CSMD2: variants seen among roughly 807,000 people sequenced by gnomAD.
CSMD2 encodes the protein CUB and sushi domain-containing protein 2.
CSMD2 carries 130 observed loss-of-function variants against 398.5 expected under a neutral mutation model. The ratio of observed to expected loss-of-function variants is 0.33; its 90% CI spans 0.28 to 0.38. The LOEUF (loss-of-function observed/expected upper bound fraction) is 0.38. Among genes scored for constraint, CSMD2 ranks in the 10% least tolerant of loss-of-function variants. The pLI, the probability that CSMD2 is intolerant of heterozygous loss-of-function variation, is 1.00. For synonymous variants in CSMD2, 1,828 were observed against 1,908.5 expected, an observed-to-expected ratio of 0.96 and a Z score of 1.10; for missense variants, 3,829 against 4,764.9, an observed-to-expected ratio of 0.80 and a Z score of 5.78.
Position 33,726,663 on chromosome 1 carries a change from A to G in CSMD2, c.2391T>C (p.Thr797=), listed in dbSNP as rs552132595. 8 of 1,612,250 alleles carry G rather than the reference A, an allele frequency of 5.0e-6. No individual in the cohort carries two copies. In the South Asian group the frequency reaches 8.8e-5, roughly 18 times the overall value. ...GAGAGAGGATGGTGCCGCTGGGCGAAGTCAGGTGACCACCACAGGGAGCTG... is the reference window on the plus strand; with the variant it reads ...GAGAGAGGATGGTGCCGCTGGGCGAGGTCAGGTGACCACCACAGGGAGCTG... ...RCEAPCGGHL[T]SPSGTILSPG... Residue 797 remains threonine (T), a synonymous_variant, in exon 16 of 71, where the codon ACT becomes ACC. Coordinates refer to ENST00000373381, the MANE Select transcript of CSMD2 (RefSeq NM_001281956.2).
chr1:33,973,233 A>G (rs1170935360), intron 3 of CSMD2, among the ~76,000 whole-genome samples: 1 of 152,184 alleles, frequency 6.6e-6, no homozygotes, highest in East Asian at 1.9e-4. Flanking sequence ...CATGTCCCCA[A>G]GCTGTGTTGA....
chr1:33,639,836 T>C (rs1387559662), intron 29 of CSMD2, among the ~76,000 whole-genome samples: 2 of 152,178 alleles, frequency 1.3e-5, no homozygotes, highest in East Asian at 1.9e-4. Flanking sequence ...GCCCCTTACA[T>C]AGGAATATCA....
intron 2 of CSMD2, among the ~76,000 whole-genome samples, chr1:34,064,950 G>T (rs955987126): frequency 4.6e-5 from 7 of 152,144 alleles, no homozygotes; most frequent in African/African-American, 1.7e-4. Flanking sequence ...ATCAGATCTC[G>T]TGAGACTTAT....
intron 19 of CSMD2, among the ~76,000 whole-genome samples, chr1:33,719,472 G>A (rs2149186703): frequency 6.6e-6 from 1 of 152,280 alleles, no homozygotes; most frequent in East Asian, 1.9e-4. Flanking sequence ...GGGGCTTTTT[G>A]GGCCATTGTG....
chr1:33,610,997 A>C, intron 41 of CSMD2, 44 bp downstream of exon 41: 1 of 1,573,166 alleles, frequency 6.4e-7, no homozygotes, highest in South Asian at 1.1e-5. Flanking sequence ...GGGGCAAGAG[A>C]TGGAGATAGA....
chr1:33,679,288 G>T (rs893900323), intron 25 of CSMD2, among the ~76,000 whole-genome samples: 6 of 137,304 alleles, frequency 4.4e-5, no homozygotes, highest in Non-Finnish European at 9.3e-5. Flanking sequence ...TGCAATCTCC[G>T]CCCCCTGGGT....
chr1:33,813,680 C>T (rs1407442484), intron 9 of CSMD2, among the ~76,000 whole-genome samples: 1 of 152,146 alleles, frequency 6.6e-6, no homozygotes, highest in Non-Finnish European at 1.5e-5. Flanking sequence ...ACAGCCAGTT[C>T]TGACACTGAA....
At chr1:33,915,373 A>G (rs1643670862) in intron 5 of CSMD2, among the ~76,000 whole-genome samples, 1 of 152,216 alleles carries the variant, frequency 6.6e-6, no homozygotes, top group Non-Finnish European at 1.5e-5. Flanking sequence ...TGAGTCTCCA[A>G]GTTTGTTTAT....
intron 25 of CSMD2, among the ~76,000 whole-genome samples, chr1:33,664,801 T>G (rs1373488562): frequency 4.6e-5 from 7 of 151,812 alleles, no homozygotes; most frequent in Non-Finnish European, 1.0e-4. Flanking sequence ...AGACTCCGTC[T>G]CAAAAATAAA....
chr1:33,836,573 T>A (rs1456639043), intron 6 of CSMD2, among the ~76,000 whole-genome samples: 1 of 152,132 alleles, frequency 6.6e-6, no homozygotes, highest in Non-Finnish European at 1.5e-5. Flanking sequence ...TGGGCACCCC[T>A]CCCCTAGCCT....
intron 10 of CSMD2, among the ~76,000 whole-genome samples, chr1:33,798,974 A>T (rs1655281304): frequency 6.6e-6 from 1 of 152,210 alleles, no homozygotes; most frequent in Middle Eastern, 3.2e-3. Flanking sequence ...GGAGATGTAG[A>T]CTGAGGCTGT....
intron 20 of CSMD2, 23 bp from the exon 21 acceptor site, chr1:33,714,798 G>A (rs377529699): frequency 1.1e-5 from 18 of 1,611,250 alleles, no homozygotes; most frequent in East Asian, 2.2e-5. Context: ...CAGGAGATCC[G>A]GGCTCAGAGA....
intron 15 of CSMD2, among the ~76,000 whole-genome samples, chr1:33,732,379 A>T (rs971815909): frequency 5.3e-5 from 8 of 152,196 alleles, no homozygotes; most frequent in African/African-American, 1.7e-4. Context: ...CTGCATTTGG[A>T]GAGAGAGCCT....
intron 5 of CSMD2, among the ~76,000 whole-genome samples, chr1:33,866,100 T>C (rs963142171): frequency 6.6e-6 from 1 of 152,206 alleles, no homozygotes; most frequent in South Asian, 2.1e-4. Flanking sequence ...TCTACTGCGC[T>C]GAACAGTAAA....
intron 1 of CSMD2, among the ~76,000 whole-genome samples, chr1:34,152,810 C>G (rs560899473): frequency 2.0e-4 from 30 of 152,294 alleles, no homozygotes; most frequent in African/African-American, 6.5e-4. Context: ...GCTAACATCA[C>G]CCACCATCCA....
chr1:34,068,835 G>A (rs1400726280), intron 2 of CSMD2, among the ~76,000 whole-genome samples: 1 of 152,152 alleles, frequency 6.6e-6, no homozygotes, highest in East Asian at 1.9e-4. Flanking sequence ...TAGTTAAAAG[G>A]GGAGTTCCCT....
intron 7 of CSMD2, among the ~76,000 whole-genome samples, chr1:33,823,496 T>TA (rs1480934282): frequency 6.6e-6 from 1 of 151,334 alleles, no homozygotes; most frequent in Admixed American, 6.6e-5. Context: ...GAATGGGGAG[T>TA]AATCCTTACT....
intron 3 of CSMD2, among the ~76,000 whole-genome samples, chr1:33,957,431 C>T (rs1645204607): frequency 6.6e-6 from 1 of 152,120 alleles, no homozygotes; most frequent in African/African-American, 2.4e-5. Flanking sequence ...CCTGGGCCTC[C>T]TGCCTCATTG....
intron 28 of CSMD2, among the ~76,000 whole-genome samples, chr1:33,650,096 A>T (rs1280690846): frequency 6.6e-6 from 1 of 152,180 alleles, no homozygotes; most frequent in Non-Finnish European, 1.5e-5. Context: ...TCTTGGTCAC[A>T]AATGATGGCA....
Sources: allele counts gnomAD v4.1 joint callset (sites outside exome capture counted in the v4.1 genomes callset), GRCh38; gene constraint gnomAD v4.1.1; transcripts MANE v1.5; gene names NCBI Gene and HGNC (gene_info 2026-07-23, HGNC 2026-07-21).